The following DERA variants were observed in gnomAD, a reference collection of about 807,000 sequenced individuals.
DERA encodes the protein 2-deoxy-D-ribose 5-phosphate aldolase.
DERA carries 15 observed loss-of-function variants against 41.1 expected under a neutral mutation model. That is an observed-to-expected ratio of 0.37 (90% confidence interval 0.24 to 0.56). The LOEUF (loss-of-function observed/expected upper bound fraction) is 0.56. Ranked by LOEUF, DERA falls within the 20% of genes least tolerant of loss-of-function variation. The pLI is 0.81. For synonymous variants in DERA, 139 were observed against 137.4 expected, an observed-to-expected ratio of 1.01 and a Z score of -0.08; for missense variants, 396 against 403.4, an observed-to-expected ratio of 0.98 and a Z score of 0.16.
rs567241418 is a variant in DERA at position 16,010,649 on chromosome 12, A to G, written c.638-21893A>G. Among the ~76,000 whole-genome samples the G allele has an allele frequency of 3.3e-5, 5 of 152,250 alleles. No homozygotes were observed. Among genetic ancestry groups the G allele is most frequent in the African/African-American group, 7.2e-5 (3 of 41,566 alleles). Reference sequence around the variant, plus strand: ...GAAGGAGAGAGGCTGCATTGTCTCTATAAGTGGTTAGTAAGTGGAGACTGC... The same window carrying G: ...GAAGGAGAGAGGCTGCATTGTCTCTGTAAGTGGTTAGTAAGTGGAGACTGC... On this transcript the variant is annotated intron_variant, in intron 6 of 8. Transcript: ENST00000428559. The surrounding 1 kb of genome is among the most constrained non-coding windows in gnomAD (Gnocchi z 5.5).
intron 5 of DERA, among the ~76,000 whole-genome samples, chr12:15,977,358 T>C (rs766464839): frequency 3.3e-5 from 5 of 152,234 alleles, no homozygotes; most frequent in Non-Finnish European, 5.9e-5. Flanking sequence ...AATACAGTTT[T>C]ATTCCACGTA....
chr12:15,925,021 C>T (rs1948271863), intron 1 of DERA, among the ~76,000 whole-genome samples: 1 of 152,176 alleles, frequency 6.6e-6, no homozygotes, highest in Non-Finnish European at 1.5e-5. Context: ...AAGCATTGCT[C>T]CCCTTGTCTG....
chr12:16,032,545 C>T lies in DERA; in HGVS notation c.641C>T (p.Ser214Leu). The change falls in exon 7 of 9, where the codon TCA becomes TTA. Residue 214 changes from serine (S) to leucine (L), a missense_variant. Physicochemically the swap from Ser to Leu is moderately radical, Grantham distance 145. Coordinates refer to ENST00000428559, the MANE Select transcript of DERA (RefSeq NM_015954.4). The part of the protein sequence containing the change: ...KASMIAMMAG[S>L]DFIKTSTGKE... ...GTTTTTCCTCTTTTTGTTTTAGGAT[C>T]AGATTTTATTAAGACCTCTACTGGA... 6.1e-6 allele frequency: 9 copies of T among 1,476,184 alleles called. No homozygotes were observed. The highest frequency in any genetic ancestry group is 8.1e-6 in the Non-Finnish European group (9 of 1,109,928). 91.4% of individuals were successfully genotyped at this position (1,476,184 alleles called of 1,614,324 possible).
At position 16,013,954 on chromosome 12, in the gene DERA, T is replaced by G. The variant is rs1188232034; in HGVS notation, c.638-18588T>G. Among the ~76,000 whole-genome samples the G allele has an allele frequency of 6.6e-6, 1 of 152,180 alleles. No homozygotes were observed. The highest frequency in any genetic ancestry group is 1.9e-4 in the East Asian group (1 of 5,188). Reference sequence around the variant, plus strand: ...TGGCACTTTGCCCCTGCCCTAAAGATCTGCGGAACTTTGAACTTGAGAGAG... The same window carrying G: ...TGGCACTTTGCCCCTGCCCTAAAGAGCTGCGGAACTTTGAACTTGAGAGAG... On this transcript the variant is annotated intron_variant, in intron 6 of 8. Transcript: ENST00000428559. This position sits in a 1 kb window ranked among gnomAD's most constrained non-coding sequence, Gnocchi z 5.8.
At chr12:15,971,993 G>A in intron 5 of DERA, 1 of 203,962 alleles carries the variant, frequency 4.9e-6, no homozygotes, top group Non-Finnish European at 1.0e-5. Context: ...TAGCACATCT[G>A]GTCTCATAGG....
intron 1 of DERA, among the ~76,000 whole-genome samples, chr12:15,937,612 T>C (rs1948378330): frequency 6.6e-6 from 1 of 152,194 alleles, no homozygotes; most frequent in South Asian, 2.1e-4. Context: ...TACAAAATAA[T>C]GTAGTTTGCT....
chr12:15,993,176 G>A lies in DERA; in HGVS notation c.637+10740G>A, dbSNP rs1334760049. On this transcript the variant is annotated intron_variant, in intron 6 of 8. Coordinates refer to ENST00000428559, the MANE Select transcript of DERA (RefSeq NM_015954.4). The surrounding 1 kb of genome is among the most constrained non-coding windows in gnomAD (Gnocchi z 4.4). ...AATGAGAGGAAGCGGAGAAATAAGA[G>A]AATATAGGGGAAGCCATCAAAAAAT... is the stretch of plus-strand genomic sequence containing the variant. Among the ~76,000 whole-genome samples the A allele has an allele frequency of 3.9e-5, 6 of 152,068 alleles. No individual in the cohort carries two copies. In the East Asian group the frequency reaches 1.2e-3, roughly 29 times the overall value.
rs778107613 is a variant in DERA, at chr12:16,014,060, G to A, written c.638-18482G>A. Among the ~76,000 whole-genome samples the A allele has an allele frequency of 6.6e-6, 1 of 152,194 alleles. No individual in the cohort carries two copies. The highest frequency in any genetic ancestry group is 3.2e-3 in the Middle Eastern group (1 of 316). The stretch of plus-strand genomic sequence containing the variant: ...GACTGGGTGTTCTTAAAAGCATTCA[G>A]ATGTATGCCTTCACAAGGAGATCAT... On this transcript the variant is annotated intron_variant, in intron 6 of 8. Coordinates refer to ENST00000428559, the MANE Select transcript of DERA (RefSeq NM_015954.4). This position sits in a 1 kb window ranked among gnomAD's most constrained non-coding sequence, Gnocchi z 5.4.
rs898374621 is a variant in DERA at position 15,940,191 on chromosome 12, G to GT, written c.32-16738dup. 6.6e-5 allele frequency among the ~76,000 whole-genome samples: 10 copies of GT among 152,074 alleles called. No homozygotes were observed. Among genetic ancestry groups the GT allele is most frequent in the African/African-American group, 2.2e-4 (9 of 41,494 alleles). ...TTATCTTCAGCAAAATAGACTTCCG[G>GT]TTTTTTTATTTGATAAATTAGATTT... On this transcript the variant is annotated intron_variant, in intron 1 of 8. Transcript: ENST00000428559. The surrounding 1 kb of genome is among the most constrained non-coding windows in gnomAD (Gnocchi z 5.1).
rs1375999255 is a variant in DERA at position 15,954,350 on chromosome 12, A to G, written c.32-2586A>G. On this transcript the variant is annotated intron_variant, in intron 1 of 8. Transcript: ENST00000428559. The surrounding 1 kb of genome is among the most constrained non-coding windows in gnomAD (Gnocchi z 4.0). ...TTTGGGGACATAAACATTTGGACAC[A>G]TCAGTGGCATTCTGAGTGAAGGGGA... is the stretch of plus-strand genomic sequence containing the variant. 6.6e-6 allele frequency among the ~76,000 whole-genome samples: 1 copy of G among 152,186 alleles called. No homozygotes were observed. The highest frequency in any genetic ancestry group is 2.4e-5 in the African/African-American group (1 of 41,432).
At chr12:15,933,661 C>T (rs761246168) in intron 1 of DERA, among the ~76,000 whole-genome samples, 13 of 152,048 alleles carry the variant, frequency 8.5e-5, no homozygotes, top group Admixed American at 1.3e-4. Context: ...TAACTTTTAC[C>T]GTTGTTACTG....
At chr12:15,919,113 T>C (rs976579258) in intron 1 of DERA, among the ~76,000 whole-genome samples, 9 of 152,358 alleles carry the variant, frequency 5.9e-5, no homozygotes, top group African/African-American at 2.2e-4. Context: ...AGTCTTTTAC[T>C]TTTTGCTTGT....
chr12:15,945,826 C>T (rs1948443212), intron 1 of DERA, among the ~76,000 whole-genome samples: 2 of 152,122 alleles, frequency 1.3e-5, no homozygotes, highest in Non-Finnish European at 2.9e-5. Context: ...AAAGGGAATG[C>T]TTCCAGTTTT....
In DERA at chr12:16,011,520, T is replaced by C. The variant is rs774064432; in HGVS notation, c.638-21022T>C. ...TTTCAGACGTTCAGATTTGGGATGC[T>C]CTACTTGTACCTTGCTTGTATTGAG... is the stretch of plus-strand genomic sequence containing the variant. On this transcript the variant is annotated intron_variant, in intron 6 of 8. Coordinates refer to ENST00000428559, the MANE Select transcript of DERA (RefSeq NM_015954.4). This position sits in a 1 kb window ranked among gnomAD's most constrained non-coding sequence, Gnocchi z 4.7. Among the ~76,000 whole-genome samples, 6 of 152,206 alleles carry C rather than the reference T, an allele frequency of 3.9e-5. No homozygotes were observed. The highest frequency in any genetic ancestry group is 1.4e-4 in the African/African-American group (6 of 41,456).
At position 15,940,740 on chromosome 12, in the gene DERA, T is replaced by G. The variant is rs1377201401; in HGVS notation, c.32-16196T>G. Among the ~76,000 whole-genome samples, 1 of 152,224 alleles carries G rather than the reference T, an allele frequency of 6.6e-6. No individual in the cohort carries two copies. Among genetic ancestry groups the G allele is most frequent in the Non-Finnish European group, 1.5e-5 (1 of 68,046 alleles). Reference sequence around the variant, plus strand: ...CATTTATTTAAATGGAAGTCATGCTTCAGAGTTTTCTGGTAACTGTATCTT... The same window carrying G: ...CATTTATTTAAATGGAAGTCATGCTGCAGAGTTTTCTGGTAACTGTATCTT... On this transcript the variant is annotated intron_variant, in intron 1 of 8. Transcript: ENST00000428559. The surrounding 1 kb of genome is among the most constrained non-coding windows in gnomAD (Gnocchi z 5.1).
chr12:16,023,262 T>A (rs1412463032), intron 6 of DERA, among the ~76,000 whole-genome samples: 4 of 151,950 alleles, frequency 2.6e-5, no homozygotes, highest in African/African-American at 9.7e-5. Context: ...AAGCCCAGAA[T>A]AAAGAGGGGA....
At chr12:15,937,652 A>G (rs1189287875) in intron 1 of DERA, among the ~76,000 whole-genome samples, 3 of 152,114 alleles carry the variant, frequency 2.0e-5, no homozygotes, top group Non-Finnish European at 4.4e-5. Context: ...GTTAAATTAC[A>G]TGTTTTTCTT....
rs1948990427 is a variant in DERA, at chr12:16,017,501, T to C, written c.638-15041T>C. On this transcript the variant is annotated intron_variant, in intron 6 of 8. Coordinates refer to ENST00000428559, the MANE Select transcript of DERA (RefSeq NM_015954.4). The surrounding 1 kb of genome is among the most constrained non-coding windows in gnomAD (Gnocchi z 5.5). ...ATCATGTAAGCATGTCTTTGTGGAA[T>C]CACAGTCTCCAGATTTAGTATTAGT... 6.6e-6 allele frequency among the ~76,000 whole-genome samples: 1 copy of C among 152,224 alleles called. No homozygotes were observed. The highest frequency in any genetic ancestry group is 1.5e-5 in the Non-Finnish European group (1 of 68,028).
In DERA at chr12:15,962,804, C is replaced by G; in HGVS notation, c.374-9C>G. The G allele has an allele frequency of 6.6e-7, 1 of 1,524,048 alleles. No individual in the cohort carries two copies. The highest frequency in any genetic ancestry group is 8.8e-7 in the Non-Finnish European group (1 of 1,132,234). The allele number at this position is 1,524,048 out of a possible 1,614,324, so 94.4% of individuals were successfully genotyped here. A position where few individuals can be genotyped will look rare whatever the true frequency, so the allele number is the denominator to read the frequency against. On this transcript the variant is annotated splice_polypyrimidine_tract_variant and intron_variant, in intron 4 of 8. Coordinates refer to ENST00000428559, the MANE Select transcript of DERA (RefSeq NM_015954.4). ...CCTCTTTCTTCATTTCCTTTCTTAA[C>G]TCTATTAGTGGCCGCTGGATTTCCA...
Sources: allele counts gnomAD v4.1 joint callset (sites outside exome capture counted in the v4.1 genomes callset), GRCh38; gene constraint gnomAD v4.1.1; non-coding constraint Gnocchi (gnomAD v3.1); transcripts MANE v1.5; gene names NCBI Gene and HGNC (gene_info 2026-07-23, HGNC 2026-07-21).